The following MSR1 variants were observed in gnomAD, a reference collection of about 807,000 sequenced individuals.
MSR1 encodes macrophage scavenger receptor 1, also known as macrophage scavenger receptor types I and II.
MSR1 carries 53 observed loss-of-function variants against 47.2 expected under a neutral mutation model. That is an observed-to-expected ratio of 1.12 (90% CI 0.90 to 1.41). MSR1 has a LOEUF of 1.41. Ranked by LOEUF, MSR1 falls within the 40% of genes most tolerant of loss-of-function variation. MSR1 has a pLI of 0.00. For missense variants in MSR1, 786 were observed against 546.9 expected (o/e 1.44, Z -4.36); for synonymous variants, 239 against 185.6 (o/e 1.29, Z -2.34).
At position 16,109,931 on chromosome 8, in the gene MSR1, T is replaced by A; in HGVS notation, c.*154A>T. The A allele has an allele frequency of 3.6e-6, 3 of 835,812 alleles. No homozygotes were observed. The highest frequency in any genetic ancestry group is 5.7e-6 in the Non-Finnish European group (3 of 529,322). The allele number at this position is 835,812 out of a possible 1,614,324, so 51.8% of individuals were successfully genotyped here. A position where few individuals can be genotyped will look rare whatever the true frequency, so the allele number is the denominator to read the frequency against. On this transcript the variant is annotated 3_prime_UTR_variant, in exon 10 of 10. Coordinates refer to ENST00000262101, the MANE Select transcript of MSR1 (RefSeq NM_138715.3). ...AAATATAGACATAAAATAGTAAGCA[T>A]GAAGGTGTTCAATATATTAATCCTG...
intron 8 of MSR1, among the ~76,000 whole-genome samples, chr8:16,124,784 A>C (rs1041685789): frequency 1.3e-5 from 2 of 152,142 alleles, no homozygotes; most frequent in African/African-American, 4.8e-5. Context: ...GCAAGTTGTC[A>C]CTCAGTAGTC....
At chr8:16,179,027 C>A (rs367904211) in intron 1 of MSR1, among the ~76,000 whole-genome samples, 1 of 152,102 alleles carries the variant, frequency 6.6e-6, no homozygotes, top group Non-Finnish European at 1.5e-5. Context: ...CGTAAAAAGA[C>A]AGATGTATGT....
chr8:16,165,330 T>C (rs1215903296), intron 4 of MSR1, among the ~76,000 whole-genome samples: 1 of 152,146 alleles, frequency 6.6e-6, no homozygotes, highest in African/African-American at 2.4e-5. Flanking sequence ...AGTAGGTACA[T>C]AGCAAATCAT....
intron 3 of MSR1, among the ~76,000 whole-genome samples, chr8:16,170,347 C>CAAA (rs11300796): frequency 6.9e-5 from 10 of 144,222 alleles, no homozygotes; most frequent in African/African-American, 2.5e-4. Flanking sequence ...GATTCCATCT[C>CAAA]AAAAAAAAAA....
rs561048316 is a variant in MSR1, at chr8:16,179,801, C to T, written c.-4-1809G>A. 1.2e-4 allele frequency among the ~76,000 whole-genome samples: 16 copies of T among 138,384 alleles called. 1 individual carries two copies. In the South Asian group the frequency reaches 2.5e-3, roughly 21 times the overall value. The allele number at this position is 138,384 out of a possible 152,430, so 90.8% of individuals were successfully genotyped here. Reference sequence around the variant, plus strand: ...CTGAGGCAGTAAAATCGCTTGTACCCGGAAGACAGAACTTGCAGTGAGCCG... The same window carrying T: ...CTGAGGCAGTAAAATCGCTTGTACCTGGAAGACAGAACTTGCAGTGAGCCG... On this transcript the variant is annotated intron_variant, in intron 1 of 9. Transcript: ENST00000262101.
intron 1 of MSR1, among the ~76,000 whole-genome samples, chr8:16,179,831 T>G (rs1468815953): frequency 7.3e-6 from 1 of 136,746 alleles, no homozygotes; most frequent in Non-Finnish European, 1.5e-5. Context: ...GAGCCGACAT[T>G]GCACCGCTGA....
intron 9 of MSR1, among the ~76,000 whole-genome samples, chr8:16,113,860 A>C (rs1799817062): frequency 6.6e-6 from 1 of 152,040 alleles, no homozygotes; most frequent in African/African-American, 2.4e-5. Context: ...AGAAAGGTTA[A>C]GGCATGAATC....
In MSR1 at chr8:16,108,759, C is replaced by T. The variant is rs556529991; in HGVS notation, c.*1326G>A. On this transcript the variant is annotated 3_prime_UTR_variant, in exon 10 of 10. Transcript: ENST00000262101. ...TTCCAATTCCAAGGTAAGGTTTTGC[C>T]TTTTTAAGTTGGACGGCTGTGAGTC... is the stretch of plus-strand genomic sequence containing the variant. 2.6e-4 allele frequency: 40 copies of T among 152,054 alleles called. No homozygotes were observed. The highest frequency in any genetic ancestry group is 8.9e-4 in the African/African-American group (37 of 41,502). The allele number at this position is 152,054 out of a possible 1,614,324, so 9.4% of individuals were successfully genotyped here. A position where few individuals can be genotyped will look rare whatever the true frequency, so the allele number is the denominator to read the frequency against.
chr8:16,164,029 T>C, intron 5 of MSR1, 36 bp downstream of exon 5: 2 of 1,477,550 alleles, frequency 1.4e-6, no homozygotes, highest in East Asian at 2.3e-5. Context: ...TTTTAATATA[T>C]ATATCATTTT....
chr8:16,155,786 G>A lies in MSR1; in HGVS notation c.818-642C>T, dbSNP rs1329740895. Among the ~76,000 whole-genome samples, 3 of 152,006 alleles carry A rather than the reference G, an allele frequency of 2.0e-5. No homozygotes were observed. The South Asian group carries it at 6.2e-4, about 32-fold the overall frequency. On this transcript the variant is annotated intron_variant, in intron 5 of 9. Transcript: ENST00000262101. ...TTGAGAAAGGCATGAGGAAAGGCAG[G>A]AAGGTGAAAATGAGTAGAGGAATTC...
chr8:16,136,198 C>T (rs1023870526), intron 8 of MSR1, among the ~76,000 whole-genome samples: 1 of 152,118 alleles, frequency 6.6e-6, no homozygotes, highest in African/African-American at 2.4e-5. Context: ...GCAGAGAAAT[C>T]TCTCATGAGG....
chr8:16,149,285 T>C (rs1800781595), intron 7 of MSR1, among the ~76,000 whole-genome samples: 1 of 152,272 alleles, frequency 6.6e-6, no homozygotes, highest in South Asian at 2.1e-4. Flanking sequence ...GGGTGGTTTA[T>C]GGGAACTCTC....
intron 1 of MSR1, among the ~76,000 whole-genome samples, chr8:16,180,489 G>A (rs1801796702): frequency 6.6e-6 from 1 of 152,140 alleles, no homozygotes; most frequent in Non-Finnish European, 1.5e-5. Flanking sequence ...CATAAAAGGT[G>A]ATTATGACTT....
intron 5 of MSR1, among the ~76,000 whole-genome samples, chr8:16,160,042 G>C (rs1184620130): frequency 1.3e-5 from 2 of 151,972 alleles, no homozygotes; most frequent in African/African-American, 4.8e-5. Flanking sequence ...AAGCATTCAA[G>C]ACTAGTTAAG....
Position 16,110,068 on chromosome 8 carries a change from A to G in MSR1, c.*17T>C. ...TTTGAGCAGCGATTTCATAGTTGTG[A>G]ATGAAAATATGATGCATTATAAAGT... is the stretch of plus-strand genomic sequence containing the variant. On this transcript the variant is annotated 3_prime_UTR_variant, in exon 10 of 10. Coordinates refer to ENST00000262101, the MANE Select transcript of MSR1 (RefSeq NM_138715.3). The G allele has an allele frequency of 6.2e-7, 1 of 1,613,138 alleles. No homozygotes were observed. Among genetic ancestry groups the G allele is most frequent in the African/African-American group, 1.3e-5 (1 of 75,004 alleles).
chr8:16,133,911 C>G (rs904027101), intron 8 of MSR1, among the ~76,000 whole-genome samples: 7 of 152,144 alleles, frequency 4.6e-5, no homozygotes, highest in Non-Finnish European at 1.0e-4. Context: ...GTTGTGCAAG[C>G]CAAACCAGTT....
chr8:16,124,805 G>A (rs542186485), intron 8 of MSR1, among the ~76,000 whole-genome samples: 1 of 152,276 alleles, frequency 6.6e-6, no homozygotes, highest in East Asian at 1.9e-4. Context: ...ACTTGAGGAA[G>A]AGTTATGGCA....
At chr8:16,142,088 T>G (rs897754955) in intron 8 of MSR1, among the ~76,000 whole-genome samples, 1 of 151,996 alleles carries the variant, frequency 6.6e-6, no homozygotes, top group African/African-American at 2.4e-5. Context: ...CCCAGCACTT[T>G]GGGAGGCTGA....
chr8:16,192,088 A>AT (rs1274402904), intron 1 of MSR1, among the ~76,000 whole-genome samples: 2 of 152,078 alleles, frequency 1.3e-5, no homozygotes, highest in Non-Finnish European at 2.9e-5. Flanking sequence ...ACTATATCTT[A>AT]TTTTTTGTAT....
Sources: gnomAD v4.1 joint callset for allele counts (sites outside exome capture counted in the v4.1 genomes callset) on GRCh38, gnomAD v4.1.1 for gene constraint, MANE v1.5 for transcripts, NCBI Gene and HGNC (gene_info 2026-07-23, HGNC 2026-07-21) for gene names.